Variants in KLF12 observed in about 807,000 individuals in gnomAD.
The protein encoded by KLF12 is KLF transcription factor 12, also known as Krueppel-like factor 12.
KLF12 carries 9 observed loss-of-function variants against 37.8 expected under a neutral mutation model. The observed-to-expected ratio is 0.24, with a 90% CI of 0.14 to 0.42. The LOEUF is 0.42. Ranked by LOEUF, KLF12 falls within the 10% of genes least tolerant of loss-of-function variation. The pLI, the probability that KLF12 is intolerant of heterozygous loss-of-function variation, is 1.00. For missense variants in KLF12, 411 were observed against 516.0 expected (o/e 0.80, Z 1.97); for synonymous variants, 208 against 202.1 (o/e 1.03, Z -0.25).
At chr13:74,266,069 T>A in the KLF12 span, among the ~76,000 whole-genome samples, 2 of 152,106 alleles carry the variant, frequency 1.3e-5, no homozygotes, top group African/African-American at 4.8e-5. Flanking sequence ...CCAGATGTTG[T>A]CTCCTCACTA....
the KLF12 span, among the ~76,000 whole-genome samples, chr13:74,224,806 A>G: frequency 6.6e-5 from 10 of 152,310 alleles, no homozygotes; most frequent in South Asian, 2.1e-3. Context: ...TTGTAATTTT[A>G]CCAAGCATGC....
At chr13:74,255,409 A>G in the KLF12 span, among the ~76,000 whole-genome samples, 1 of 152,246 alleles carries the variant, frequency 6.6e-6, no homozygotes, top group Non-Finnish European at 1.5e-5. Context: ...GAGGGTATAT[A>G]GCCTAGTTAA....
chr13:73,905,702 A>G (rs918486578), intron 3 of KLF12, among the ~76,000 whole-genome samples: 2 of 151,690 alleles, frequency 1.3e-5, no homozygotes, highest in Non-Finnish European at 2.9e-5. Context: ...ATAATCCTTT[A>G]ACTCTGGATA....
the KLF12 span, among the ~76,000 whole-genome samples, chr13:74,186,818 C>T: frequency 1.3e-5 from 2 of 152,154 alleles, no homozygotes; most frequent in Non-Finnish European, 2.9e-5. Context: ...CATATACTTT[C>T]CCCTTTTACA....
chr13:74,094,656 GC>G (rs1875876171), intron 1 of KLF12, among the ~76,000 whole-genome samples: 1 of 151,396 alleles, frequency 6.6e-6, no homozygotes, highest in African/African-American at 2.4e-5. Flanking sequence ...CTGGAGGGCA[GC>G]GGCCCCACCT....
the KLF12 span, among the ~76,000 whole-genome samples, chr13:74,160,812 C>T: frequency 2.6e-5 from 4 of 152,220 alleles, no homozygotes; most frequent in East Asian, 5.8e-4. Context: ...CCGGGTTTGG[C>T]CTGCTCTAGT....
the KLF12 span, among the ~76,000 whole-genome samples, chr13:74,232,540 A>G: frequency 2.6e-5 from 4 of 152,144 alleles, no homozygotes; most frequent in African/African-American, 9.7e-5. Context: ...AATTATCTAA[A>G]CCTAAAAAAG....
chr13:73,716,505 T>C (rs1360346877), intron 6 of KLF12, among the ~76,000 whole-genome samples: 1 of 152,214 alleles, frequency 6.6e-6, no homozygotes, highest in African/African-American at 2.4e-5. Flanking sequence ...ATCACCTCTT[T>C]TAAAAGTTGA....
At chr13:73,833,078 A>G (rs1185726514) in intron 4 of KLF12, among the ~76,000 whole-genome samples, 6 of 152,284 alleles carry the variant, frequency 3.9e-5, no homozygotes, top group Admixed American at 3.3e-4. Context: ...GTGGGGTAGG[A>G]GGCATAATTT....
At chr13:74,254,597 A>G in the KLF12 span, among the ~76,000 whole-genome samples, 1 of 152,208 alleles carries the variant, frequency 6.6e-6, no homozygotes, top group Admixed American at 6.5e-5. Flanking sequence ...GATCACAACC[A>G]TTCTGTCCAT....
At chr13:74,125,788 T>C (rs554345270) in intron 1 of KLF12, among the ~76,000 whole-genome samples, 1 of 152,344 alleles carries the variant, frequency 6.6e-6, no homozygotes, top group South Asian at 2.1e-4. Flanking sequence ...CAATATGATC[T>C]ACAACAAATA....
chr13:74,216,583 G>C, the KLF12 span, among the ~76,000 whole-genome samples: 3 of 152,106 alleles, frequency 2.0e-5, no homozygotes, highest in Non-Finnish European at 1.5e-5. Context: ...ATTTATTCTC[G>C]ATTTCTAAGA....
At chr13:74,099,962 A>G (rs1442207199) in intron 1 of KLF12, among the ~76,000 whole-genome samples, 1 of 152,252 alleles carries the variant, frequency 6.6e-6, no homozygotes, top group Non-Finnish European at 1.5e-5. Flanking sequence ...AGCAGCACCC[A>G]GAGCCATGGA....
At chr13:74,241,635 C>A in the KLF12 span, among the ~76,000 whole-genome samples, 1 of 152,238 alleles carries the variant, frequency 6.6e-6, no homozygotes, top group East Asian at 1.9e-4. Context: ...AAGCCAGGTG[C>A]CGGATATAAT....
chr13:73,816,982 G>A (rs1432573189), intron 4 of KLF12, among the ~76,000 whole-genome samples: 1 of 152,136 alleles, frequency 6.6e-6, no homozygotes, highest in African/African-American at 2.4e-5. Context: ...CTAAACCCAT[G>A]CCACATTTCT....
chr13:73,864,741 C>A (rs1258386705), intron 3 of KLF12, among the ~76,000 whole-genome samples: 1 of 152,050 alleles, frequency 6.6e-6, no homozygotes, highest in East Asian at 1.9e-4. Flanking sequence ...ATTCATCATT[C>A]AGGAAGTGCT....
intron 3 of KLF12, among the ~76,000 whole-genome samples, chr13:73,895,410 C>T (rs530230109): frequency 6.6e-6 from 1 of 152,338 alleles, no homozygotes; most frequent in African/African-American, 2.4e-5. Context: ...CCAGGCAACA[C>T]TGTTCACATC....
chr13:74,134,256 C>A (rs1257966859), upstream of KLF12, among the ~76,000 whole-genome samples: 1 of 151,976 alleles, frequency 6.6e-6, no homozygotes, highest in Non-Finnish European at 1.5e-5. Context: ...AAACAAAGCC[C>A]CGCCGCTGCC....
intron 2 of KLF12, among the ~76,000 whole-genome samples, chr13:73,965,754 C>A (rs975271639): frequency 7.9e-5 from 12 of 152,182 alleles, no homozygotes; most frequent in African/African-American, 2.9e-4. Context: ...CCCACTCTCA[C>A]CAAAAGGCAT....
Sources: allele counts gnomAD v4.1 joint callset (sites outside exome capture counted in the v4.1 genomes callset), GRCh38; gene constraint gnomAD v4.1.1; transcripts MANE v1.5; gene names NCBI Gene and HGNC (gene_info 2026-07-23, HGNC 2026-07-21).